Variants in TSGA10 observed in about 807,000 individuals in gnomAD.
TSGA10 encodes testis-specific gene 10 protein.
Under a neutral mutation model 96.6 loss-of-function variants are expected in TSGA10, and 43 were observed. The ratio of observed to expected loss-of-function variants is 0.44; its 90% CI spans 0.35 to 0.57. The LOEUF (loss-of-function observed/expected upper bound fraction) is 0.57, where lower values mean the gene tolerates loss of function less well. Among genes scored for constraint, TSGA10 ranks in the 20% least tolerant of loss-of-function variants. TSGA10 has a pLI of 0.01. For synonymous variants in TSGA10, 229 were observed against 269.9 expected (o/e 0.85, Z 1.48); for missense variants, 703 against 834.4 (o/e 0.84, Z 1.94).
intron 11 of TSGA10, 179 bp from the exon 12 acceptor site, chr2:99,078,992 T>C (rs1558944660): frequency 2.2e-6 from 1 of 451,964 alleles, no homozygotes; most frequent in Non-Finnish European, 3.8e-6. Flanking sequence ...CTACAGTGAA[T>C]CACAAAACTC....
intron 1 of TSGA10, among the ~76,000 whole-genome samples, chr2:99,153,109 G>T (rs991166592): frequency 5.9e-5 from 9 of 152,182 alleles, no homozygotes; most frequent in African/African-American, 1.9e-4. Context: ...TGGCAAAAGG[G>T]ACTGAGGAGT....
chr2:99,080,337 G>C (rs551516084), intron 11 of TSGA10, among the ~76,000 whole-genome samples: 1 of 151,962 alleles, frequency 6.6e-6, no homozygotes, highest in Non-Finnish European at 1.5e-5. Flanking sequence ...AAAACACTTC[G>C]CTTTCTGGTC....
intron 1 of TSGA10, among the ~76,000 whole-genome samples, chr2:99,140,456 T>C (rs2093490090): frequency 6.6e-6 from 1 of 151,048 alleles, no homozygotes; most frequent in Non-Finnish European, 1.5e-5. Context: ...GACACTATAA[T>C]CTATGCAAAC....
intron 20 of TSGA10, among the ~76,000 whole-genome samples, chr2:99,008,822 G>A (rs908911237): frequency 1.3e-5 from 2 of 152,122 alleles, no homozygotes; most frequent in African/African-American, 4.8e-5. Context: ...CCATACACTG[G>A]AGTAGTGTGC....
rs1179941249 is a variant in TSGA10 at position 99,048,178 on chromosome 2, A to G, written c.1405-12739T>C. Reference sequence around the variant, plus strand: ...GATTTATAGATTCAATGCTATCCCCATCAAGCTACCATTGACTTTCTTCAC... The same window carrying G: ...GATTTATAGATTCAATGCTATCCCCGTCAAGCTACCATTGACTTTCTTCAC... On this transcript the variant is annotated intron_variant, in intron 16 of 20. Transcript: ENST00000393483. Among the ~76,000 whole-genome samples the G allele has an allele frequency of 2.6e-5, 4 of 152,204 alleles. No homozygotes were observed. The East Asian group carries it at 7.7e-4, about 29-fold the overall frequency.
chr2:99,010,126 A>G (rs2078883722), intron 20 of TSGA10, among the ~76,000 whole-genome samples: 1 of 152,220 alleles, frequency 6.6e-6, no homozygotes. Context: ...TTGTGGTGCT[A>G]TAACAACCAA....
At chr2:99,019,027 A>T (rs1263164746) in intron 18 of TSGA10, among the ~76,000 whole-genome samples, 1 of 152,182 alleles carries the variant, frequency 6.6e-6, no homozygotes, top group African/African-American at 2.4e-5. Flanking sequence ...CTCCATGATT[A>T]ATATGGTCTG....
chr2:99,040,282 CAGAA>C (rs1301604413), intron 16 of TSGA10, among the ~76,000 whole-genome samples: 2 of 151,980 alleles, frequency 1.3e-5, no homozygotes, highest in African/African-American at 4.8e-5. Context: ...AATCAGACAA[CAGAA>C]AGAAATAAAA....
intron 16 of TSGA10, among the ~76,000 whole-genome samples, chr2:99,052,611 G>A (rs183603468): frequency 0.011 from 1,636 of 151,968 alleles, 9 homozygotes; most frequent in Middle Eastern, 0.027. Context: ...GGTGGCAGGC[G>A]CCTGTAGTCC....
At chr2:99,003,338 C>T (rs1046444889) in intron 20 of TSGA10, among the ~76,000 whole-genome samples, 4 of 152,138 alleles carry the variant, frequency 2.6e-5, no homozygotes, top group Non-Finnish European at 2.9e-5. Context: ...TAGACTCCCA[C>T]AAAATAATAA....
chr2:99,113,314 T>C (rs1444378790), intron 4 of TSGA10, among the ~76,000 whole-genome samples: 1 of 152,130 alleles, frequency 6.6e-6, no homozygotes, highest in African/African-American at 2.4e-5. Flanking sequence ...CTTTTGAGAC[T>C]GGGTCATGCT....
intron 12 of TSGA10, among the ~76,000 whole-genome samples, chr2:99,078,271 G>GAA (rs200891345): frequency 0.029 from 2,328 of 81,300 alleles, 117 homozygotes; most frequent in African/African-American, 0.082. Context: ...ACTCCCGTTT[G>GAA]AAAAAAAAAA....
At position 99,031,261 on chromosome 2, in the gene TSGA10, C is replaced by G. The variant is rs922390200; in HGVS notation, c.1614+3969G>C. Among the ~76,000 whole-genome samples the G allele has an allele frequency of 2.4e-4, 11 of 45,248 alleles. No individual in the cohort carries two copies. The East Asian group carries it at 7.7e-3, about 32-fold the overall frequency. The allele number at this position is 45,248 out of a possible 152,430, so 29.7% of individuals were successfully genotyped here. ...AAGATAGCTTTTTAAACAAATGGTA[C>G]AGAAGAAGGTGGATACTCATAGGCC... On this transcript the variant is annotated intron_variant, in intron 17 of 20. Transcript: ENST00000393483.
chr2:99,022,412 C>T (rs1202041697), intron 17 of TSGA10, among the ~76,000 whole-genome samples: 2 of 150,546 alleles, frequency 1.3e-5, no homozygotes, highest in East Asian at 1.9e-4. Flanking sequence ...CTACTATTTG[C>T]CTTATTCTGG....
chr2:99,101,699 A>G (rs931971434), intron 10 of TSGA10, among the ~76,000 whole-genome samples: 1 of 152,200 alleles, frequency 6.6e-6, no homozygotes, highest in Non-Finnish European at 1.5e-5. Context: ...AAAGATAAAG[A>G]ACTAAAGATT....
chr2:99,115,528 C>T (rs2104897026), intron 4 of TSGA10, among the ~76,000 whole-genome samples: 1 of 151,974 alleles, frequency 6.6e-6, no homozygotes, highest in Middle Eastern at 3.4e-3. Context: ...GGACCTGTTC[C>T]AGACAACATG....
At chr2:99,017,241 TATGGAACCAGCCTAA>T (rs1439859023) in intron 20 of TSGA10, among the ~76,000 whole-genome samples, 2 of 152,294 alleles carry the variant, frequency 1.3e-5, no homozygotes, top group East Asian at 1.9e-4. Flanking sequence ...ATTGCAAAAA[TATGGAACCAGCCTAA>T]ATGCCCATTG....
chr2:99,020,452 C>G lies in TSGA10; in HGVS notation c.1645G>C (p.Glu549Gln), dbSNP rs140920035. The G allele has an allele frequency of 1.8e-4, 286 of 1,613,152 alleles. 1 individual carries two copies. Among genetic ancestry groups the G allele is most frequent in the Middle Eastern group, 3.3e-4 (2 of 6,080 alleles). The change falls in exon 18 of 21, where the codon GAA becomes CAA. Residue 549 changes from glutamate (E) to glutamine (Q), a missense_variant. Glu to Gln is a conservative substitution (Grantham distance 29). Around this residue, in one of 3 missense-constraint regions of TSGA10, gnomAD observed 585 missense variants for 656.8 expected, o/e 0.89. Transcript: ENST00000393483. Reference sequence around the variant, plus strand: ...ATCTGACTCCTCAGGAGTTCAATTTCAGAATGAGCAGAATCTAACTCATTC... The same window carrying G: ...ATCTGACTCCTCAGGAGTTCAATTTGAGAATGAGCAGAATCTAACTCATTC... ...RENELDSAHSEIELLRSQMAN... is the reference protein window; with the variant it reads ...RENELDSAHSQIELLRSQMAN...
At chr2:99,033,985 CT>C (rs1252256759) in intron 17 of TSGA10, among the ~76,000 whole-genome samples, 9 of 152,146 alleles carry the variant, frequency 5.9e-5, no homozygotes, top group African/African-American at 2.2e-4. Context: ...CCTAGCTCAG[CT>C]TTCAAAAGAG....
Sources: gnomAD v4.1 joint callset for allele counts (sites outside exome capture counted in the v4.1 genomes callset) on GRCh38, gnomAD v4.1.1 for gene constraint, gnomAD v4.1.1 regional missense constraint, MANE v1.5 for transcripts, NCBI Gene and HGNC (gene_info 2026-07-23, HGNC 2026-07-21) for gene names.